Variants in ECH1 observed in about 807,000 individuals in gnomAD.
ECH1 encodes the protein delta(3,5)-Delta(2,4)-dienoyl-CoA isomerase, mitochondrial.
In ECH1, 30 loss-of-function variants were observed where a neutral mutation model predicts 37.0. That is an observed-to-expected ratio of 0.81 (90% CI 0.61 to 1.10). The LOEUF is 1.10. Ranked by LOEUF, ECH1 falls within the 50% of genes least tolerant of loss-of-function variation. ECH1 has a pLI of 0.00. For synonymous variants in ECH1, 178 were observed against 176.0 expected (o/e 1.01, Z -0.09); for missense variants, 456 against 441.6 (o/e 1.03, Z -0.29).
At chr19:38,818,166 G>A in intron 3 of ECH1, 1 of 945,060 alleles carries the variant, frequency 1.1e-6, no homozygotes, top group Non-Finnish European at 1.3e-6. Flanking sequence ...TCAGAAGTAG[G>A]ATTTTAAAAT....
Position 38,818,135 on chromosome 19 carries a change from C to T in ECH1, c.350-560G>A, listed in dbSNP as rs578103051. 33 of 808,182 alleles carry T rather than the reference C, an allele frequency of 4.1e-5. No homozygotes were observed. The African/African-American group carries it at 4.5e-4, about 11-fold the overall frequency. The allele number at this position is 808,182 out of a possible 1,614,324, so 50.1% of individuals were successfully genotyped here. On this transcript the variant is annotated intron_variant, in intron 3 of 9. Transcript: ENST00000221418. ...GGCATCCCAAAGCACTGGGATTACA[C>T]GTGTGAGCCACCATGCCGCATCAGA...
At position 38,816,870 on chromosome 19, in the gene ECH1, T is replaced by G; in HGVS notation, c.588+195A>C. The G allele has an allele frequency of 5.8e-6, 4 of 685,548 alleles. No individual in the cohort carries two copies. The African/African-American group carries it at 7.2e-5, about 12-fold the overall frequency. The allele number at this position is 685,548 out of a possible 1,614,324, so 42.5% of individuals were successfully genotyped here. A position where few individuals can be genotyped will look rare whatever the true frequency, so the allele number is the denominator to read the frequency against. On this transcript the variant is annotated intron_variant, in intron 6 of 9. Coordinates refer to ENST00000221418, the MANE Select transcript of ECH1 (RefSeq NM_001398.3). ...TATGGCCCCAGGAGCAATCTCTGCCTCTGACACCTGCCAGCCTCAACCCCA... is the reference window on the plus strand; with the variant it reads ...TATGGCCCCAGGAGCAATCTCTGCCGCTGACACCTGCCAGCCTCAACCCCA...
chr19:38,816,397 G>A, intron 7 of ECH1, 42 bp from the exon 8 acceptor site: 1 of 1,613,904 alleles, frequency 6.2e-7, no homozygotes, highest in Non-Finnish European at 8.5e-7. Flanking sequence ...TGCCACCCCG[G>A]GGCTGGGAGA....
chr19:38,815,424 C>T lies in ECH1; in HGVS notation c.*189G>A. ...CTCTATCCAAGAAGGGCACCAGGTT[C>T]TTTACTTTGCTTTATTGTTTGTGGG... On this transcript the variant is annotated 3_prime_UTR_variant, in exon 10 of 10. Coordinates refer to ENST00000221418, the MANE Select transcript of ECH1 (RefSeq NM_001398.3). 1.7e-6 allele frequency: 1 copy of T among 597,214 alleles called. No individual in the cohort carries two copies. Among genetic ancestry groups the T allele is most frequent in the Non-Finnish European group, 2.9e-6 (1 of 345,158 alleles). The allele number at this position is 597,214 out of a possible 1,614,324, so 37.0% of individuals were successfully genotyped here. A position where few individuals can be genotyped will look rare whatever the true frequency, so the allele number is the denominator to read the frequency against.
rs971023675 is a variant in ECH1, at chr19:38,831,333, T to G, written c.236A>C (p.Asn79Thr). The G allele has an allele frequency of 6.2e-7, 1 of 1,612,768 alleles. No individual in the cohort carries two copies. Among genetic ancestry groups the G allele is most frequent in the Non-Finnish European group, 8.5e-7 (1 of 1,179,060 alleles). Residue 79 changes from asparagine to threonine, a missense_variant, in exon 2 of 10, where the codon AAT becomes ACT. Coordinates refer to ENST00000221418, the MANE Select transcript of ECH1 (RefSeq NM_001398.3). ...HVQLNRPNKR[N>T]AMNKVFWREM... ...CCTCCAGAAGACCTTGTTCATGGCA[T>G]TCCTCTTGTTGGGCCGGTTGAGCTG...
intron 3 of ECH1, among the ~76,000 whole-genome samples, chr19:38,825,617 G>A (rs924769511): frequency 6.6e-6 from 1 of 152,170 alleles, no homozygotes; most frequent in Non-Finnish European, 1.5e-5. Flanking sequence ...GGCCCAAAAG[G>A]AAAAGTGAGA....
At chr19:38,818,932 T>C (rs77376069) in intron 3 of ECH1, among the ~76,000 whole-genome samples, 4,654 of 142,812 alleles carry the variant, frequency 0.033, 191 homozygotes, top group African/African-American at 0.091. Flanking sequence ...TGTGTGTGTG[T>C]GCACTGTTCC....
chr19:38,815,447 G>T lies in ECH1; in HGVS notation c.*166C>A. ...TTCTTTACTTTGCTTTATTGTTTGT[G>T]GGGTGAAGATAAGGCCTTGGGCTTG... On this transcript the variant is annotated 3_prime_UTR_variant, in exon 10 of 10. Transcript: ENST00000221418. 3.1e-6 allele frequency: 2 copies of T among 650,150 alleles called. No homozygotes were observed. Among genetic ancestry groups the T allele is most frequent in the Non-Finnish European group, 5.3e-6 (2 of 378,352 alleles). The allele number at this position is 650,150 out of a possible 1,614,324, so 40.3% of individuals were successfully genotyped here.
chr19:38,827,330 G>A (rs1971754096), intron 3 of ECH1, among the ~76,000 whole-genome samples: 1 of 152,100 alleles, frequency 6.6e-6, no homozygotes, highest in African/African-American at 2.4e-5. Flanking sequence ...TTTTGCTTCT[G>A]GTTCAGTCCT....
chr19:38,819,168 T>C (rs1423591256), intron 3 of ECH1: 16 of 985,140 alleles, frequency 1.6e-5, no homozygotes, highest in South Asian at 1.4e-4. Context: ...CAAGTGGAAA[T>C]AGGATCCAGA....
At chr19:38,820,794 A>G (rs2145374949) in intron 3 of ECH1, among the ~76,000 whole-genome samples, 1 of 152,300 alleles carries the variant, frequency 6.6e-6, no homozygotes, top group East Asian at 1.9e-4. Flanking sequence ...GGCCCGGCAC[A>G]GCCACAAAAA....
chr19:38,816,916 C>A lies in ECH1; in HGVS notation c.588+149G>T, dbSNP rs991066152. The A allele has an allele frequency of 2.3e-5, 21 of 923,056 alleles. No individual in the cohort carries two copies. In the East Asian group the frequency reaches 4.7e-4, roughly 21 times the overall value. The allele number at this position is 923,056 out of a possible 1,614,324, so 57.2% of individuals were successfully genotyped here. A position where few individuals can be genotyped will look rare whatever the true frequency, so the allele number is the denominator to read the frequency against. On this transcript the variant is annotated intron_variant, in intron 6 of 9. Coordinates refer to ENST00000221418, the MANE Select transcript of ECH1 (RefSeq NM_001398.3). ...CCCCACCTCATACCTTACCCACTCACAACTTCACCTCTTGACTTCCTCTAT... is the reference window on the plus strand; with the variant it reads ...CCCCACCTCATACCTTACCCACTCAAAACTTCACCTCTTGACTTCCTCTAT...
intron 3 of ECH1, chr19:38,830,769 T>A: frequency 2.9e-6 from 1 of 344,922 alleles, no homozygotes; most frequent in Non-Finnish European, 5.4e-6. Flanking sequence ...CGTCAGGAGA[T>A]GGAGACCATC....
chr19:38,815,629 G>A lies in ECH1; in HGVS notation c.971C>T (p.Thr324Ile), dbSNP rs1971559431. 6.2e-7 allele frequency: 1 copy of A among 1,614,218 alleles called. No homozygotes were observed. The highest frequency in any genetic ancestry group is 8.5e-7 in the Non-Finnish European group (1 of 1,180,040). ...CGAGGGCTCTCAGAGCTTGGAGAAGGTGACGGTTTTCAGTTCCTTGTTCTC... is the reference window on the plus strand; with the variant it reads ...CGAGGGCTCTCAGAGCTTGGAGAAGATGACGGTTTTCAGTTCCTTGTTCTC... ...TTENKELKTV[T>I]FSKL Residue 324 changes from threonine (T) to isoleucine (I), a missense_variant, in exon 10 of 10, where the codon ACC (threonine) becomes ATC (isoleucine). Physicochemically the swap from Thr to Ile is moderately conservative, Grantham distance 89 (BLOSUM62 -1). Coordinates refer to ENST00000221418, the MANE Select transcript of ECH1 (RefSeq NM_001398.3).
At chr19:38,827,189 G>T (rs1030937759) in intron 3 of ECH1, among the ~76,000 whole-genome samples, 4 of 152,132 alleles carry the variant, frequency 2.6e-5, no homozygotes, top group Non-Finnish European at 5.9e-5. Flanking sequence ...AAAACAGAAA[G>T]AAATAGTTTA....
At chr19:38,829,579 A>G (rs1971788205) in intron 3 of ECH1, among the ~76,000 whole-genome samples, 1 of 152,144 alleles carries the variant, frequency 6.6e-6, no homozygotes, top group South Asian at 2.1e-4. Flanking sequence ...GCACTTTTGG[A>G]GGCCGAGGCG....
chr19:38,816,241 C>T, intron 8 of ECH1, 43 bp downstream of exon 8: 1 of 1,607,344 alleles, frequency 6.2e-7, no homozygotes, highest in Non-Finnish European at 8.5e-7. Flanking sequence ...ACCCTCCAGG[C>T]CTGGCTGCCC....
At chr19:38,824,005 C>T (rs2145380274) in intron 3 of ECH1, among the ~76,000 whole-genome samples, 1 of 152,258 alleles carries the variant, frequency 6.6e-6, no homozygotes. Context: ...TTTACGATCC[C>T]TCCTCAGACT....
intron 3 of ECH1, among the ~76,000 whole-genome samples, chr19:38,830,039 C>T (rs1198409117): frequency 1.3e-5 from 2 of 152,118 alleles, no homozygotes; most frequent in Non-Finnish European, 2.9e-5. Context: ...CACTTGTAAC[C>T]CCAGCTACTT....
Sources: gnomAD v4.1 joint callset for allele counts (sites outside exome capture counted in the v4.1 genomes callset) on GRCh38, gnomAD v4.1.1 for gene constraint, MANE v1.5 for transcripts, NCBI Gene and HGNC (gene_info 2026-07-23, HGNC 2026-07-21) for gene names.